PHAX: variants seen among roughly 807,000 people sequenced by gnomAD.
The protein encoded by PHAX is phosphorylated adapter RNA export protein.
Under a neutral mutation model 41.6 loss-of-function variants are expected in PHAX, and 31 were observed. The observed-to-expected ratio is 0.75, with a 90% CI of 0.56 to 1.01. The LOEUF (loss-of-function observed/expected upper bound fraction) is 1.01. PHAX is among the 50% of genes least tolerant of loss of function. The pLI is 0.00. For missense variants in PHAX, 453 were observed against 472.9 expected (o/e 0.96, Z 0.39); for synonymous variants, 175 against 164.9 (o/e 1.06, Z -0.47).
chr5:126,622,577 G>A (rs754978240), intron 4 of PHAX, among the ~76,000 whole-genome samples: 6 of 146,520 alleles, frequency 4.1e-5, no homozygotes, highest in South Asian at 2.2e-4. Flanking sequence ...ACAAGAATGC[G>A]CTACCACACC....
At chr5:126,610,356 A>G (rs1172950242) in intron 3 of PHAX, among the ~76,000 whole-genome samples, 1 of 152,204 alleles carries the variant, frequency 6.6e-6, no homozygotes, top group Non-Finnish European at 1.5e-5. Flanking sequence ...TTTGTTACTG[A>G]TAAGTCTGAA....
chr5:126,600,953 C>T lies in PHAX; in HGVS notation c.-10C>T, dbSNP rs1263107572. On this transcript the variant is annotated 5_prime_UTR_variant, in exon 1 of 5. Transcript: ENST00000297540. ...ACCCGCCGCTGTGCAGCGCAGCGCA[C>T]CGCGGGAAGATGGCGTTGGAGGTCG... 3 of 1,600,170 alleles carry T rather than the reference C, an allele frequency of 1.9e-6. No homozygotes were observed. The highest frequency in any genetic ancestry group is 1.4e-5 in the African/African-American group (1 of 72,942).
intron 2 of PHAX, among the ~76,000 whole-genome samples, chr5:126,606,155 TTTTG>T: frequency 6.6e-6 from 1 of 151,766 alleles, no homozygotes; most frequent in East Asian, 2.0e-4. Context: ...TTTTGTTTGT[TTTTG>T]TTTTTGTTTT....
intron 4 of PHAX, among the ~76,000 whole-genome samples, chr5:126,619,488 A>T (rs1260913423): frequency 6.6e-6 from 1 of 151,950 alleles, no homozygotes; most frequent in African/African-American, 2.4e-5. Flanking sequence ...ACGTAGGAGA[A>T]TCGCTTGAAC....
At chr5:126,616,924 G>A (rs139183077) in intron 3 of PHAX, among the ~76,000 whole-genome samples, 1 of 151,830 alleles carries the variant, frequency 6.6e-6, no homozygotes, top group East Asian at 1.9e-4. Flanking sequence ...TAGCCAGGTG[G>A]CAGATTAAAA....
intron 1 of PHAX, among the ~76,000 whole-genome samples, chr5:126,603,008 GA>G (rs67361490): frequency 0.3 from 30,306 of 99,734 alleles, 3,592 homozygotes; most frequent in East Asian, 0.44. Flanking sequence ...CCCATCTCAA[GA>G]AAAAAAAAAA....
intron 4 of PHAX, among the ~76,000 whole-genome samples, chr5:126,623,551 C>T (rs377569351): frequency 5.9e-5 from 9 of 152,150 alleles, no homozygotes; most frequent in Admixed American, 2.0e-4. Context: ...TCTTTTCTCA[C>T]GTATGTACCC....
intron 4 of PHAX, among the ~76,000 whole-genome samples, chr5:126,622,130 T>TTTTG (rs958286393): frequency 6.6e-6 from 1 of 151,622 alleles, no homozygotes; most frequent in Non-Finnish European, 1.5e-5. Flanking sequence ...ATTTTTGTGT[T>TTTTG]TTTGTTTGTT....
rs1425729744 is a variant in PHAX, at chr5:126,625,283, C to A, written c.*439C>A. 1 of 155,398 alleles carries A rather than the reference C, an allele frequency of 6.4e-6. No individual in the cohort carries two copies. Among genetic ancestry groups the A allele is most frequent in the African/African-American group, 2.4e-5 (1 of 41,456 alleles). The allele number at this position is 155,398 out of a possible 1,614,324, so 9.6% of individuals were successfully genotyped here. A position where few individuals can be genotyped will look rare whatever the true frequency, so the allele number is the denominator to read the frequency against. ...ATTTGTTTTTTCTGTGTTCTAAGAACTCAGGCAATTTTAAGGATAAAAACT... is the reference window on the plus strand; with the variant it reads ...ATTTGTTTTTTCTGTGTTCTAAGAAATCAGGCAATTTTAAGGATAAAAACT... On this transcript the variant is annotated 3_prime_UTR_variant, in exon 5 of 5. Transcript: ENST00000297540.
intron 3 of PHAX, among the ~76,000 whole-genome samples, chr5:126,609,400 C>G (rs529783852): frequency 4.0e-4 from 61 of 152,124 alleles, no homozygotes; most frequent in African/African-American, 1.4e-3. Context: ...TGCACCCGGC[C>G]AAAGGGTTGA....
intron 4 of PHAX, among the ~76,000 whole-genome samples, chr5:126,621,166 A>C (rs778008100): frequency 5.9e-5 from 9 of 152,190 alleles, no homozygotes; most frequent in Admixed American, 5.9e-4. Flanking sequence ...CTGGGATTAC[A>C]GGTGTGAGCC....
chr5:126,615,161 GC>G (rs917868492), intron 3 of PHAX, among the ~76,000 whole-genome samples: 1 of 151,600 alleles, frequency 6.6e-6, no homozygotes, highest in African/African-American at 2.4e-5. Context: ...TATGTAGAGA[GC>G]CCCCTCATTC....
chr5:126,619,303 C>T (rs1363854133), intron 4 of PHAX, among the ~76,000 whole-genome samples: 1 of 151,838 alleles, frequency 6.6e-6, no homozygotes, highest in African/African-American at 2.4e-5. Context: ...TTAGGTCAGG[C>T]GTGGTGGCTC....
chr5:126,617,212 G>A, intron 3 of PHAX, 38 bp from the exon 4 acceptor site: 3 of 1,280,678 alleles, frequency 2.3e-6, no homozygotes, highest in African/African-American at 1.5e-5. Flanking sequence ...TTTATGGGAA[G>A]AGTATATGCA....
At position 126,620,100 on chromosome 5, in the gene PHAX, GTTCTC is replaced by G. The variant is rs542582839; in HGVS notation, c.915+2770_915+2774del. On this transcript the variant is annotated intron_variant, in intron 4 of 4. Coordinates refer to ENST00000297540, the MANE Select transcript of PHAX (RefSeq NM_032177.4). Reference sequence around the variant, plus strand: ...TTCTTTTTCCTTAAGTTTTCTGGCTGTTCTCTTAACAGTCATTTTAATAGAGTCTG... The same window carrying G: ...TTCTTTTTCCTTAAGTTTTCTGGCTGTTAACAGTCATTTTAATAGAGTCTG... Among the ~76,000 whole-genome samples the G allele has an allele frequency of 1.1e-4, 16 of 152,214 alleles. No homozygotes were observed. The South Asian group carries it at 3.3e-3, about 32-fold the overall frequency.
chr5:126,601,191 G>C, intron 1 of PHAX, 133 bp downstream of exon 1: 1 of 636,210 alleles, frequency 1.6e-6, no homozygotes, highest in Non-Finnish European at 2.7e-6. Flanking sequence ...CAGGCTGTCG[G>C]GTCAGTGGCC....
chr5:126,604,160 A>G lies in PHAX; in HGVS notation c.687A>G (p.Lys229=), dbSNP rs759774509. 4.6e-6 allele frequency: 7 copies of G among 1,535,144 alleles called. No individual in the cohort carries two copies. The South Asian group carries it at 9.1e-5, about 20-fold the overall frequency. Residue 229 remains lysine, a synonymous_variant, in exon 2 of 5, where the codon AAA becomes AAG. Coordinates refer to ENST00000297540, the MANE Select transcript of PHAX (RefSeq NM_032177.4). ...TCACAGCGGAAGATTCTCAAGAGAA[A>G]GTGGCTGATGAAATTTCATTCAGGT... The part of the protein sequence containing the change: ...YEITAEDSQE[K]VADEISFRLQ...
intron 2 of PHAX, among the ~76,000 whole-genome samples, chr5:126,607,005 G>A (rs1446165744): frequency 1.3e-5 from 2 of 152,124 alleles, no homozygotes; most frequent in African/African-American, 2.4e-5. Context: ...ATTGCTTGGT[G>A]TATGGTAAAT....
At chr5:126,617,725 C>T (rs1290987856) in intron 4 of PHAX, among the ~76,000 whole-genome samples, 2 of 152,094 alleles carry the variant, frequency 1.3e-5, no homozygotes, top group African/African-American at 4.8e-5. Flanking sequence ...GCAGTCCGCC[C>T]GTCTCGGCCC....
Sources: allele counts gnomAD v4.1 joint callset (sites outside exome capture counted in the v4.1 genomes callset), GRCh38; gene constraint gnomAD v4.1.1; transcripts MANE v1.5; gene names NCBI Gene and HGNC (gene_info 2026-07-23, HGNC 2026-07-21).